Variants in ZBTB25 observed in about 807,000 individuals in gnomAD.
ZBTB25 encodes zinc finger and BTB domain containing 25, also known as zinc finger and BTB domain-containing protein 25.
ZBTB25 carries 20 observed loss-of-function variants against 34.2 expected under a neutral mutation model. The ratio of observed to expected loss-of-function variants is 0.58; its 90% CI spans 0.41 to 0.85. The LOEUF (loss-of-function observed/expected upper bound fraction) is 0.85, where lower values mean the gene tolerates loss of function less well. Among genes scored for constraint, ZBTB25 ranks in the 40% least tolerant of loss-of-function variants. The pLI, the probability that ZBTB25 is intolerant of heterozygous loss-of-function variation, is 0.00. For synonymous variants in ZBTB25, 175 were observed against 186.4 expected, an observed-to-expected ratio of 0.94 and a Z score of 0.50; for missense variants, 437 against 521.8, an observed-to-expected ratio of 0.84 and a Z score of 1.58.
chr14:64,495,782 C>A (rs1406625557), intron 1 of ZBTB25, among the ~76,000 whole-genome samples: 1 of 151,958 alleles, frequency 6.6e-6, no homozygotes, highest in African/African-American at 2.4e-5. Flanking sequence ...CATGGAGAAA[C>A]CCCATCTCTA....
Position 64,484,533 on chromosome 14 carries a change from T to C in ZBTB25, c.*2390A>G, listed in dbSNP as rs1370238635. The C allele has an allele frequency of 2.6e-5, 4 of 152,016 alleles. No homozygotes were observed. Among genetic ancestry groups the C allele is most frequent in the African/African-American group, 9.7e-5 (4 of 41,350 alleles). The allele number at this position is 152,016 out of a possible 1,614,324, so 9.4% of individuals were successfully genotyped here. On this transcript the variant is annotated 3_prime_UTR_variant, in exon 3 of 3. Transcript: ENST00000608382. ...CCTGTCTCTGCTAAAAACACAAAAT[T>C]AGCTGGGTATGGTGGTGCATGCCTG...
chr14:64,504,821 G>C (rs1221168530), upstream of ZBTB25: 2 of 389,756 alleles, frequency 5.1e-6, no homozygotes, highest in African/African-American at 2.1e-5. Flanking sequence ...AGCCCAGCCC[G>C]AGCGCCGAGC....
intron 1 of ZBTB25, among the ~76,000 whole-genome samples, chr14:64,494,925 G>T (rs915437013): frequency 2.0e-5 from 3 of 152,108 alleles, no homozygotes; most frequent in African/African-American, 7.2e-5. Flanking sequence ...ATCTATTCAA[G>T]ATTGTTTCAG....
chr14:64,465,654 T>C (rs2078604991), intron 2 of ZBTB25: 1 of 151,274 alleles, frequency 6.6e-6, no homozygotes, highest in South Asian at 2.1e-4. Context: ...GGGAGGAGGG[T>C]CGGGGGCAAT....
At chr14:64,493,274 TCAGA>T (rs2079153221) in intron 1 of ZBTB25, among the ~76,000 whole-genome samples, 1 of 152,208 alleles carries the variant, frequency 6.6e-6, no homozygotes, top group African/African-American at 2.4e-5. Flanking sequence ...TGAACTAAAA[TCAGA>T]CAGCTTAAAA....
rs2078846491 is a variant in ZBTB25 at position 64,485,338 on chromosome 14, G to A, written c.*1585C>T. On this transcript the variant is annotated 3_prime_UTR_variant, in exon 3 of 3. Transcript: ENST00000608382. ...ATTTTTTAGATGTATTCAAATGCCC[G>A]TGAAGCTTAGAATTTAACAAGAGGG... 5.1e-6 allele frequency: 5 copies of A among 985,260 alleles called. No individual in the cohort carries two copies. Among genetic ancestry groups the A allele is most frequent in the African/African-American group, 1.7e-5 (1 of 57,224 alleles). 61.0% of individuals were successfully genotyped at this position (985,260 alleles called of 1,614,324 possible).
At chr14:64,460,152 A>T in intron 2 of ZBTB25, 1 of 518,054 alleles carries the variant, frequency 1.9e-6, no homozygotes, top group Non-Finnish European at 3.4e-6. Context: ...TTTAGAGGGA[A>T]ATGTATGCAT....
At chr14:64,503,463 G>C in intron 1 of ZBTB25, 198 bp downstream of exon 1, 1 of 985,460 alleles carries the variant, frequency 1.0e-6, no homozygotes, top group Non-Finnish European at 1.2e-6. Context: ...TCTGGGTATT[G>C]TCGGCCCAGC....
At position 64,481,396 on chromosome 14, in the gene ZBTB25, G is replaced by A. The variant is rs2078791399; in HGVS notation, c.*5527C>T. The A allele has an allele frequency of 6.6e-6, 1 of 152,232 alleles. No homozygotes were observed. The highest frequency in any genetic ancestry group is 2.1e-4 in the South Asian group (1 of 4,834). 9.4% of individuals were successfully genotyped at this position (152,232 alleles called of 1,614,324 possible). On this transcript the variant is annotated 3_prime_UTR_variant, in exon 3 of 3. Coordinates refer to ENST00000608382, the MANE Select transcript of ZBTB25 (RefSeq NM_006977.5). ...GAAGCAAATTCACAGTACATTAGGT[G>A]GATGAGTTTAGCCACACAATGTATT...
chr14:64,469,120 TCAACCC>T, intron 2 of ZBTB25: 2 of 1,614,054 alleles, frequency 1.2e-6, no homozygotes, highest in Non-Finnish European at 1.7e-6. Flanking sequence ...AACAAGATGT[TCAACCC>T]CAGCAAGCAA....
At chr14:64,491,737 T>A (rs1490107996) in intron 1 of ZBTB25, among the ~76,000 whole-genome samples, 1 of 152,000 alleles carries the variant, frequency 6.6e-6, no homozygotes, top group Non-Finnish European at 1.5e-5. Context: ...AAGGTAGCTG[T>A]AGTATAAAGG....
At chr14:64,471,154 CTTTT>C (rs377652418) in intron 2 of ZBTB25, 5 of 137,296 alleles carry the variant, frequency 3.6e-5, no homozygotes, top group African/African-American at 2.7e-5. Context: ...ATTTTCTTTT[CTTTT>C]TTTTTTTTTT....
downstream of ZBTB25, among the ~76,000 whole-genome samples, chr14:64,476,333 T>G (rs2078718885): frequency 6.6e-6 from 1 of 152,206 alleles, no homozygotes; most frequent in Non-Finnish European, 1.5e-5. Flanking sequence ...AGTATTTCTG[T>G]TTTTGTTTTT....
At chr14:64,492,864 T>C (rs1393036311) in intron 1 of ZBTB25, among the ~76,000 whole-genome samples, 1 of 152,090 alleles carries the variant, frequency 6.6e-6, no homozygotes, top group East Asian at 1.9e-4. Flanking sequence ...AATGACAAGA[T>C]GCTACACTCA....
In ZBTB25 at chr14:64,480,470, A is replaced by C; in HGVS notation, c.*6453T>G. The C allele has an allele frequency of 3.3e-6, 1 of 307,662 alleles. No homozygotes were observed. The highest frequency in any genetic ancestry group is 1.1e-4 in the East Asian group (1 of 9,486). The allele number at this position is 307,662 out of a possible 1,614,324, so 19.1% of individuals were successfully genotyped here. A position where few individuals can be genotyped will look rare whatever the true frequency, so the allele number is the denominator to read the frequency against. ...ATTAACACAGATTATGGTCGGTAAG[A>C]ATTAGGTCCACAAATGCATTTTTGC... On this transcript the variant is annotated 3_prime_UTR_variant, in exon 3 of 3. Transcript: ENST00000608382.
At chr14:64,503,041 T>C (rs1456848069) in intron 1 of ZBTB25, 4 of 985,298 alleles carry the variant, frequency 4.1e-6, no homozygotes, top group East Asian at 1.1e-4. Context: ...AGGTACTACG[T>C]TGTGCTATGC....
rs1400231337 is a variant in ZBTB25, at chr14:64,482,021, TAC to T, written c.*4900_*4901del. 2 of 152,216 alleles carry T rather than the reference TAC, an allele frequency of 1.3e-5. No homozygotes were observed. Among genetic ancestry groups the T allele is most frequent in the Non-Finnish European group, 2.9e-5 (2 of 68,036 alleles). 9.4% of individuals were successfully genotyped at this position (152,216 alleles called of 1,614,324 possible). A position where few individuals can be genotyped will look rare whatever the true frequency, so the allele number is the denominator to read the frequency against. ...CTGTACAAATAAATGTTAACGAAAT[TAC>T]ACATTTTTCACACTATCTTTTTCCA... On this transcript the variant is annotated 3_prime_UTR_variant, in exon 3 of 3. Transcript: ENST00000608382.
chr14:64,459,789 A>G, intron 2 of ZBTB25: 1 of 1,534,496 alleles, frequency 6.5e-7, no homozygotes, highest in South Asian at 1.2e-5. Context: ...AGCTACTTTG[A>G]AAGTCTGGCC....
At chr14:64,459,589 A>C (rs528962753) in intron 2 of ZBTB25, among the ~76,000 whole-genome samples, 2 of 152,354 alleles carry the variant, frequency 1.3e-5, no homozygotes, top group Non-Finnish European at 1.5e-5. Context: ...AATACCATGC[A>C]TCATTTTCAA....
Sources: gnomAD v4.1 joint callset for allele counts (sites outside exome capture counted in the v4.1 genomes callset) on GRCh38, gnomAD v4.1.1 for gene constraint, MANE v1.5 for transcripts, NCBI Gene and HGNC (gene_info 2026-07-23, HGNC 2026-07-21) for gene names.